Variants in SAMD12 observed in about 807,000 individuals in gnomAD.
SAMD12 encodes sterile alpha motif domain containing 12.
SAMD12 carries 9 observed loss-of-function variants against 15.0 expected under a neutral mutation model. That is an observed-to-expected ratio of 0.60 (90% CI 0.36 to 1.05). The LOEUF (loss-of-function observed/expected upper bound fraction) is 1.05, where lower values mean the gene tolerates loss of function less well. Among genes scored for constraint, SAMD12 ranks in the 50% least tolerant of loss-of-function variants. The probability of loss-of-function intolerance (pLI) is 0.01; values close to 1 mark genes in which losing one functional copy is unlikely to be tolerated. For missense variants in SAMD12, 230 were observed against 234.2 expected (o/e 0.98, Z 0.12); for synonymous variants, 86 against 90.1 (o/e 0.96, Z 0.25).
chr8:118,166,492 T>C, the SAMD12 span, among the ~76,000 whole-genome samples: 1 of 152,170 alleles, frequency 6.6e-6, no homozygotes, highest in African/African-American at 2.4e-5. Context: ...TTCATGTTCA[T>C]TTCCCATATA....
chr8:118,526,843 G>A (rs182312097), intron 2 of SAMD12, among the ~76,000 whole-genome samples: 2 of 152,246 alleles, frequency 1.3e-5, no homozygotes, highest in East Asian at 3.9e-4. Flanking sequence ...AAAGGAAGAC[G>A]TATGCTGATC....
the SAMD12 span, among the ~76,000 whole-genome samples, chr8:118,148,770 G>A: frequency 5.3e-5 from 8 of 152,220 alleles, no homozygotes; most frequent in East Asian, 1.2e-3. Flanking sequence ...TCCATACAGC[G>A]CAATCATGTC....
chr8:118,269,817 C>A (rs1025607632), intron 4 of SAMD12, among the ~76,000 whole-genome samples: 3 of 151,974 alleles, frequency 2.0e-5, no homozygotes, highest in Non-Finnish European at 4.4e-5. Context: ...ACACCTGCAC[C>A]CCCCTTCCTT....
chr8:118,370,413 C>T (rs1819028728), intron 4 of SAMD12, among the ~76,000 whole-genome samples: 1 of 152,104 alleles, frequency 6.6e-6, no homozygotes, highest in Non-Finnish European at 1.5e-5. Flanking sequence ...ATATCCTTTG[C>T]CCCAGCAATC....
chr8:118,172,203 A>G, the SAMD12 span, among the ~76,000 whole-genome samples: 1 of 152,214 alleles, frequency 6.6e-6, no homozygotes, highest in Non-Finnish European at 1.5e-5. Context: ...ATGTATACAT[A>G]TGTAACAAAC....
At chr8:118,434,299 T>C (rs975051190) in intron 3 of SAMD12, among the ~76,000 whole-genome samples, 6 of 152,176 alleles carry the variant, frequency 3.9e-5, no homozygotes, top group African/African-American at 1.2e-4. Flanking sequence ...AATAAGTCAA[T>C]AGGAATCATT....
At chr8:118,502,389 G>T (rs1824810083) in intron 2 of SAMD12, among the ~76,000 whole-genome samples, 1 of 152,098 alleles carries the variant, frequency 6.6e-6, no homozygotes, top group Non-Finnish European at 1.5e-5. Context: ...AGCATTACTA[G>T]TTTATTTCTG....
In SAMD12 at chr8:118,380,952, T is replaced by C. The variant is rs115581113; in HGVS notation, c.323-1252A>G. Reference sequence around the variant, plus strand: ...TGCATGTTAACTGCAAGTCTACCCATCTTGAATGCTGCTGATCAATGTAAC... The same window carrying C: ...TGCATGTTAACTGCAAGTCTACCCACCTTGAATGCTGCTGATCAATGTAAC... On this transcript the variant is annotated intron_variant, in intron 3 of 3. Coordinates refer to ENST00000314727, the MANE Select transcript of SAMD12 (RefSeq NM_207506.3). Among the ~76,000 whole-genome samples the C allele has an allele frequency of 3.1e-3, 478 of 152,308 alleles. 6 individuals are homozygous for C. Among genetic ancestry groups the C allele is most frequent in the African/African-American group, 0.011 (454 of 41,560 alleles).
At chr8:118,405,045 G>C (rs1417308811) in intron 3 of SAMD12, among the ~76,000 whole-genome samples, 3 of 152,052 alleles carry the variant, frequency 2.0e-5, no homozygotes, top group Non-Finnish European at 4.4e-5. Flanking sequence ...TTCATGAATG[G>C]ATTATTCTTA....
rs142518407 is a variant in SAMD12 at position 118,572,353 on chromosome 8, A to G, written c.192+8362T>C. Among the ~76,000 whole-genome samples, 533 of 152,308 alleles carry G rather than the reference A, an allele frequency of 3.5e-3. 3 individuals carry two copies. The highest frequency in any genetic ancestry group is 0.012 in the African/African-American group (510 of 41,560). On this transcript the variant is annotated intron_variant, in intron 2 of 3. Transcript: ENST00000314727. ...CTTTGGACTGTGGACTTTTGAGTTAATGCTAGAATGAGTTAAGACTATGTG... is the reference window on the plus strand; with the variant it reads ...CTTTGGACTGTGGACTTTTGAGTTAGTGCTAGAATGAGTTAAGACTATGTG...
chr8:118,153,589 C>T, the SAMD12 span, among the ~76,000 whole-genome samples: 1 of 152,150 alleles, frequency 6.6e-6, no homozygotes, highest in Admixed American at 6.5e-5. Flanking sequence ...AGTTACGAGA[C>T]TGGTCCATGC....
intron 3 of SAMD12, among the ~76,000 whole-genome samples, chr8:118,412,574 T>A (rs947689470): frequency 2.6e-5 from 4 of 152,166 alleles, no homozygotes; most frequent in African/African-American, 9.7e-5. Flanking sequence ...CTCTAACATA[T>A]GGAGTATAGC....
chr8:118,298,388 A>G lies in SAMD12; in HGVS notation c.433+81172T>C, dbSNP rs1814836622. Among the ~76,000 whole-genome samples, 2 of 152,226 alleles carry G rather than the reference A, an allele frequency of 1.3e-5. 1 individual carries two copies. The highest frequency in any genetic ancestry group is 4.1e-4 in the South Asian group (2 of 4,830). On this transcript the variant is annotated intron_variant, in intron 4 of 4. Transcript: ENST00000409003. ...CAGAGGCATATACAATGTTATGAAC[A>G]TGCACTACCTATCAGTAATCTGTAA... is the stretch of plus-strand genomic sequence containing the variant.
At chr8:118,542,606 A>G (rs12678125) in intron 2 of SAMD12, among the ~76,000 whole-genome samples, 64,226 of 152,008 alleles carry the variant, frequency 0.42, 13,916 homozygotes, top group Non-Finnish European at 0.48. Flanking sequence ...AGAACCAAGA[A>G]ACTAGAGAAC....
chr8:118,383,934 G>A (rs565319503), intron 3 of SAMD12, among the ~76,000 whole-genome samples: 15 of 152,170 alleles, frequency 9.9e-5, no homozygotes, highest in East Asian at 3.9e-4. Context: ...CAAGTAAACC[G>A]ACAACTAGAT....
In SAMD12 at chr8:118,481,181, C is replaced by T. The variant is rs1824116053; in HGVS notation, c.193-41220G>A. Among the ~76,000 whole-genome samples, 4 of 149,636 alleles carry T rather than the reference C, an allele frequency of 2.7e-5. No homozygotes were observed. The South Asian group carries it at 8.5e-4, about 32-fold the overall frequency. On this transcript the variant is annotated intron_variant, in intron 2 of 3. Coordinates refer to ENST00000314727, the MANE Select transcript of SAMD12 (RefSeq NM_207506.3). Reference sequence around the variant, plus strand: ...TGTTGGCCAGGCTGGTCTCAAACTCCTGACCTCAAGTGATCCGCCTGCCTT... The same window carrying T: ...TGTTGGCCAGGCTGGTCTCAAACTCTTGACCTCAAGTGATCCGCCTGCCTT...
At chr8:118,536,334 T>C (rs917966328) in intron 2 of SAMD12, among the ~76,000 whole-genome samples, 3 of 152,152 alleles carry the variant, frequency 2.0e-5, no homozygotes, top group Admixed American at 1.3e-4. Context: ...ACAGATACTA[T>C]TTACTATTTA....
In SAMD12 at chr8:118,388,949, C is replaced by A. The variant is rs569375313; in HGVS notation, c.323-9249G>T. On this transcript the variant is annotated intron_variant, in intron 3 of 3. Coordinates refer to ENST00000314727, the MANE Select transcript of SAMD12 (RefSeq NM_207506.3). Reference sequence around the variant, plus strand: ...ATTTGGTTTCTCAAATACAGCCTGGCATCAAGTCAGATACCCCTGCACTCT... The same window carrying A: ...ATTTGGTTTCTCAAATACAGCCTGGAATCAAGTCAGATACCCCTGCACTCT... Among the ~76,000 whole-genome samples the A allele has an allele frequency of 9.2e-5, 14 of 152,264 alleles. No individual in the cohort carries two copies. In the South Asian group the frequency reaches 2.9e-3, roughly 32 times the overall value.
chr8:118,185,890 CA>C (rs1261836917), downstream of SAMD12, among the ~76,000 whole-genome samples: 4 of 152,130 alleles, frequency 2.6e-5, no homozygotes, highest in Non-Finnish European at 5.9e-5. Flanking sequence ...ATCTCCCTCT[CA>C]GGGGGTCCAT....
Sources: gnomAD v4.1 joint callset for allele counts (sites outside exome capture counted in the v4.1 genomes callset) on GRCh38, gnomAD v4.1.1 for gene constraint, MANE v1.5 for transcripts, NCBI Gene and HGNC (gene_info 2026-07-23, HGNC 2026-07-21) for gene names.